Variants in BST1 observed in about 807,000 individuals in gnomAD.
BST1 encodes ADP-ribosyl cyclase/cyclic ADP-ribose hydrolase 2.
BST1 carries 49 observed loss-of-function variants against 40.6 expected under a neutral mutation model. The observed-to-expected ratio is 1.21, with a 90% CI of 0.96 to 1.53. The LOEUF (loss-of-function observed/expected upper bound fraction) is 1.53. Ranked by LOEUF, BST1 falls within the 40% of genes most tolerant of loss-of-function variation. BST1 has a pLI of 0.00. For missense variants in BST1, 423 were observed against 395.9 expected, an observed-to-expected ratio of 1.07 and a Z score of -0.58; for synonymous variants, 157 against 159.3, an observed-to-expected ratio of 0.99 and a Z score of 0.11.
chr4:15,769,673 T>C, the BST1 span, among the ~76,000 whole-genome samples: 1 of 152,052 alleles, frequency 6.6e-6, no homozygotes. Context: ...TCTCTCTATA[T>C]ATATATGTAT....
chr4:15,765,003 C>G, the BST1 span, among the ~76,000 whole-genome samples: 1 of 151,894 alleles, frequency 6.6e-6, no homozygotes, highest in African/African-American at 2.4e-5. Flanking sequence ...GGAAAAGTCA[C>G]TCTTCCTCTC....
intron 7 of BST1, among the ~76,000 whole-genome samples, chr4:15,719,791 C>T (rs1371030803): frequency 1.3e-5 from 2 of 152,210 alleles, no homozygotes; most frequent in Non-Finnish European, 1.5e-5. Context: ...CTGGATCATT[C>T]TCCCAGCTGA....
At chr4:15,739,063 A>T (rs1441352679), downstream of BST1, among the ~76,000 whole-genome samples, 1 of 152,152 alleles carries the variant, frequency 6.6e-6, no homozygotes, top group Non-Finnish European at 1.5e-5. Flanking sequence ...ACTCAGCCTT[A>T]CTCTTCTCAG....
intron 8 of BST1, among the ~76,000 whole-genome samples, chr4:15,728,461 T>G (rs1414149307): frequency 1.3e-5 from 2 of 149,044 alleles, no homozygotes; most frequent in Admixed American, 6.7e-5. Context: ...TTTTTTTTTT[T>G]TTTTTTTGGA....
At chr4:15,760,808 C>T in the BST1 span, among the ~76,000 whole-genome samples, 16 of 151,110 alleles carry the variant, frequency 1.1e-4, no homozygotes, top group Non-Finnish European at 1.9e-4. Flanking sequence ...CCTACTTCAG[C>T]CTCATGAGTA....
At chr4:15,759,302 C>A in the BST1 span, among the ~76,000 whole-genome samples, 1 of 151,896 alleles carries the variant, frequency 6.6e-6, no homozygotes, top group African/African-American at 2.4e-5. Context: ...TGGTAGAACG[C>A]CCAGCAGTGG....
chr4:15,709,230 A>G (rs375199833), intron 3 of BST1, among the ~76,000 whole-genome samples: 22 of 152,192 alleles, frequency 1.4e-4, no homozygotes, highest in African/African-American at 5.3e-4. Context: ...TGATAAGCTG[A>G]TATTTGAACA....
the BST1 span, among the ~76,000 whole-genome samples, chr4:15,745,787 A>G: frequency 2.3e-4 from 35 of 152,200 alleles, no homozygotes; most frequent in African/African-American, 8.0e-4. Context: ...CTGGCTCACT[A>G]TAATCTCAGT....
intron 7 of BST1, among the ~76,000 whole-genome samples, chr4:15,721,640 A>G (rs1472309876): frequency 8.0e-6 from 1 of 124,370 alleles, no homozygotes; most frequent in Non-Finnish European, 1.6e-5. Context: ...GGAATATCAC[A>G]CACTGGGGCC....
downstream of BST1, chr4:15,736,227 A>G: frequency 1.1e-6 from 1 of 895,490 alleles, no homozygotes; most frequent in Non-Finnish European, 1.6e-6. Context: ...ATGCTGCCAG[A>G]GCAATGTCCT....
At chr4:15,703,769 A>G (rs1228171451) in intron 1 of BST1, among the ~76,000 whole-genome samples, 2 of 117,264 alleles carry the variant, frequency 1.7e-5, no homozygotes, top group African/African-American at 3.4e-5. Flanking sequence ...TGTGTGTTCT[A>G]AAGGTGAGAT....
chr4:15,710,075 C>T (rs562391945), intron 3 of BST1, among the ~76,000 whole-genome samples: 8 of 152,122 alleles, frequency 5.3e-5, no homozygotes, highest in East Asian at 1.9e-4. Flanking sequence ...TGTGCTCAAG[C>T]GATCCTCTTG....
chr4:15,736,561 G>T (rs57058782), downstream of BST1, among the ~76,000 whole-genome samples: 1 of 151,312 alleles, frequency 6.6e-6, no homozygotes, highest in Non-Finnish European at 1.5e-5. Context: ...AGTGAGCCTA[G>T]ATTGCTCCAC....
At chr4:15,742,261 T>C (rs1721765930), downstream of BST1, among the ~76,000 whole-genome samples, 1 of 152,040 alleles carries the variant, frequency 6.6e-6, no homozygotes, top group Non-Finnish European at 1.5e-5. Flanking sequence ...GTCATGGGGG[T>C]CAACCCCTCA....
chr4:15,740,786 G>A (rs952150520), downstream of BST1, among the ~76,000 whole-genome samples: 2 of 152,100 alleles, frequency 1.3e-5, no homozygotes, highest in Admixed American at 1.3e-4. Flanking sequence ...CAAACTATCC[G>A]TCTGGAGATT....
intron 3 of BST1, among the ~76,000 whole-genome samples, chr4:15,710,736 T>A (rs1018377784): frequency 6.6e-6 from 1 of 152,212 alleles, no homozygotes. Flanking sequence ...TCCAGGTTCA[T>A]CCATGTTGTT....
chr4:15,745,359 G>A, the BST1 span, among the ~76,000 whole-genome samples: 1 of 152,230 alleles, frequency 6.6e-6, no homozygotes. Flanking sequence ...CATTTTGTCA[G>A]TAATATAATA....
Position 15,732,061 on chromosome 4 carries a change from A to T in BST1, c.*216A>T. The T allele has an allele frequency of 8.0e-7, 1 of 1,253,712 alleles. No individual in the cohort carries two copies. The highest frequency in any genetic ancestry group is 1.0e-6 in the Non-Finnish European group (1 of 999,120). 77.7% of individuals were successfully genotyped at this position (1,253,712 alleles called of 1,614,324 possible). On this transcript the variant is annotated 3_prime_UTR_variant, in exon 9 of 9. Transcript: ENST00000265016. ...GCAGGTTAAAAAATGCTGCATTAGA[A>T]TTAAAGCAAGTTATTTTCTTATTTG...
chr4:15,703,681 A>G (rs1264275496), intron 1 of BST1, among the ~76,000 whole-genome samples: 1 of 106,726 alleles, frequency 9.4e-6, no homozygotes, highest in Admixed American at 1.0e-4. Flanking sequence ...TGTGTGCTCT[A>G]GAGGTGGATG....
Sources: gnomAD v4.1 joint callset for allele counts (sites outside exome capture counted in the v4.1 genomes callset) on GRCh38, gnomAD v4.1.1 for gene constraint, MANE v1.5 for transcripts, NCBI Gene and HGNC (gene_info 2026-07-23, HGNC 2026-07-21) for gene names.